Variants in SAMD12 observed in about 807,000 individuals in gnomAD.
SAMD12 encodes sterile alpha motif domain containing 12.
A neutral mutation model predicts 15.0 loss-of-function variants in SAMD12; 9 were observed. The observed-to-expected ratio is 0.60, with a 90% CI of 0.36 to 1.05. SAMD12 has a LOEUF of 1.05. SAMD12 is among the 50% of genes least tolerant of loss of function. The pLI, the probability that SAMD12 is intolerant of heterozygous loss-of-function variation, is 0.01. For synonymous variants in SAMD12, 86 were observed against 90.1 expected (o/e 0.96, Z 0.25); for missense variants, 230 against 234.2 (o/e 0.98, Z 0.12).
At chr8:118,467,013 C>A (rs1823614184) in intron 2 of SAMD12, among the ~76,000 whole-genome samples, 1 of 152,112 alleles carries the variant, frequency 6.6e-6, no homozygotes, top group African/African-American at 2.4e-5. Flanking sequence ...GCTTCACAAA[C>A]CATTTTTGGT....
chr8:118,247,628 T>C (rs1812727404), intron 4 of SAMD12, among the ~76,000 whole-genome samples: 2 of 152,214 alleles, frequency 1.3e-5, no homozygotes, highest in South Asian at 4.1e-4. Context: ...AGTCTCACTC[T>C]GTAGCCCAAG....
chr8:118,439,581 C>T (rs188743394), intron 3 of SAMD12, among the ~76,000 whole-genome samples: 60 of 151,872 alleles, frequency 4.0e-4, no homozygotes, highest in African/African-American at 1.3e-3. Context: ...CTCTAGGATC[C>T]CCCAACCCTG....
chr8:118,236,209 A>C (rs1298910793), intron 4 of SAMD12, among the ~76,000 whole-genome samples: 1 of 152,192 alleles, frequency 6.6e-6, no homozygotes, highest in Admixed American at 6.5e-5. Flanking sequence ...ATTGAAGCAG[A>C]GAAGCCTCAC....
Position 118,594,165 on chromosome 8 carries a change from G to A in SAMD12, c.14-13272C>T, listed in dbSNP as rs535261935. ...AAAGCTCACAGTTTACTAAAATAGT[G>A]GCTCCCAAATGTCTTCCTAAAGAGG... On this transcript the variant is annotated intron_variant, in intron 1 of 3. Transcript: ENST00000314727. Among the ~76,000 whole-genome samples the A allele has an allele frequency of 4.0e-5, 6 of 151,824 alleles. No homozygotes were observed. In the East Asian group the frequency reaches 1.2e-3, roughly 30 times the overall value.
chr8:118,482,640 A>G (rs1458899043), intron 2 of SAMD12, among the ~76,000 whole-genome samples: 1 of 152,206 alleles, frequency 6.6e-6, no homozygotes, highest in East Asian at 1.9e-4. Context: ...TGCAAATACT[A>G]TGCAATTTTA....
At chr8:118,156,424 A>G in the SAMD12 span, among the ~76,000 whole-genome samples, 1 of 152,026 alleles carries the variant, frequency 6.6e-6, no homozygotes, top group East Asian at 1.9e-4. Context: ...TGGAGTTGAG[A>G]TTTTCTTTTG....
chr8:118,406,431 AC>A (rs1821133087), intron 3 of SAMD12, among the ~76,000 whole-genome samples: 1 of 151,800 alleles, frequency 6.6e-6, no homozygotes, highest in African/African-American at 2.4e-5. Context: ...CAACCACCAC[AC>A]CTGGCTAATT....
At chr8:118,336,814 A>G (rs1817099059) in intron 4 of SAMD12, among the ~76,000 whole-genome samples, 1 of 152,246 alleles carries the variant, frequency 6.6e-6, no homozygotes, top group Non-Finnish European at 1.5e-5. Context: ...CATACACACC[A>G]TGGAATACTA....
chr8:118,135,292 C>T, the SAMD12 span, among the ~76,000 whole-genome samples: 16 of 151,760 alleles, frequency 1.1e-4, no homozygotes, highest in African/African-American at 3.9e-4. Context: ...AGCATTTCTC[C>T]TGCCTCAGCC....
chr8:118,374,097 C>T (rs534107725), downstream of SAMD12, among the ~76,000 whole-genome samples: 12 of 152,136 alleles, frequency 7.9e-5, no homozygotes, highest in South Asian at 2.5e-3. Flanking sequence ...CACCAGATCT[C>T]TATGAGGTTT....
At chr8:118,427,135 T>C (rs967059787) in intron 3 of SAMD12, among the ~76,000 whole-genome samples, 4 of 152,176 alleles carry the variant, frequency 2.6e-5, no homozygotes, top group African/African-American at 7.2e-5. Flanking sequence ...AATGCAAATA[T>C]GGATTTTCAA....
intron 3 of SAMD12, among the ~76,000 whole-genome samples, chr8:118,381,719 T>C (rs1297382009): frequency 6.6e-6 from 1 of 152,114 alleles, no homozygotes; most frequent in African/African-American, 2.4e-5. Flanking sequence ...AGAAAGCAGC[T>C]CCACTAAGAA....
At chr8:118,619,411 G>A (rs954121937) in intron 1 of SAMD12, among the ~76,000 whole-genome samples, 9 of 150,312 alleles carry the variant, frequency 6.0e-5, no homozygotes, top group Non-Finnish European at 1.0e-4. Flanking sequence ...CCTGGGAGGC[G>A]GAGCTTGCAG....
intron 2 of SAMD12, among the ~76,000 whole-genome samples, chr8:118,494,347 ATG>A (rs1175674169): frequency 6.6e-6 from 1 of 152,156 alleles, no homozygotes; most frequent in East Asian, 1.9e-4. Context: ...TTTATCCACT[ATG>A]TGTGTGGCAA....
downstream of SAMD12, among the ~76,000 whole-genome samples, chr8:118,184,706 A>G (rs922067376): frequency 6.6e-6 from 1 of 152,104 alleles, no homozygotes; most frequent in Admixed American, 6.5e-5. Flanking sequence ...CATCTTGCCC[A>G]GGCTCATCTT....
intron 2 of SAMD12, among the ~76,000 whole-genome samples, chr8:118,485,265 C>A (rs980897101): frequency 6.6e-6 from 1 of 152,158 alleles, no homozygotes; most frequent in African/African-American, 2.4e-5. Flanking sequence ...CAAGTCAGTA[C>A]TCCTGGGAGA....
intron 2 of SAMD12, among the ~76,000 whole-genome samples, chr8:118,515,458 C>T (rs1041811458): frequency 2.0e-5 from 3 of 152,028 alleles, no homozygotes; most frequent in African/African-American, 7.2e-5. Context: ...CCAATTAAAC[C>T]TCTTTTCTTA....
chr8:118,483,344 T>C (rs563339753), intron 2 of SAMD12, among the ~76,000 whole-genome samples: 2 of 152,334 alleles, frequency 1.3e-5, no homozygotes, highest in South Asian at 4.1e-4. Flanking sequence ...ACATACCACT[T>C]GGATTTGTAC....
chr8:118,475,188 G>A (rs2130975186), intron 2 of SAMD12, among the ~76,000 whole-genome samples: 1 of 152,296 alleles, frequency 6.6e-6, no homozygotes, highest in Non-Finnish European at 1.5e-5. Context: ...GCAGTGAGCT[G>A]AGATCACGCC....
Sources: gnomAD v4.1 joint callset for allele counts (sites outside exome capture counted in the v4.1 genomes callset) on GRCh38, gnomAD v4.1.1 for gene constraint, MANE v1.5 for transcripts, NCBI Gene and HGNC (gene_info 2026-07-23, HGNC 2026-07-21) for gene names.